XYLB: variants seen among roughly 807,000 people sequenced by gnomAD.
XYLB encodes xylulokinase, also known as xylulose kinase.
XYLB carries 62 observed loss-of-function variants against 78.7 expected under a neutral mutation model. The ratio of observed to expected loss-of-function variants is 0.79; its 90% CI spans 0.64 to 0.97. The LOEUF is 0.97. Among genes scored for constraint, XYLB ranks in the 50% least tolerant of loss-of-function variants. The pLI, the probability that XYLB is intolerant of heterozygous loss-of-function variation, is 0.00. For synonymous variants in XYLB, 245 were observed against 247.4 expected, an observed-to-expected ratio of 0.99 and a Z score of 0.09; for missense variants, 687 against 676.8, an observed-to-expected ratio of 1.02 and a Z score of -0.17.
rs751716638 is a variant in XYLB, at chr3:38,400,988, G to A, written c.1533+3G>A. 2.5e-6 allele frequency: 4 copies of A among 1,613,872 alleles called. No homozygotes were observed. Among genetic ancestry groups the A allele is most frequent in the Non-Finnish European group, 3.4e-6 (4 of 1,179,836 alleles). Reference sequence around the variant, plus strand: ...CCCCAAGCCCGGGAGCTTCTCAGGTGAGAGACCATCGGAATTTGTTTGTAG... The same window carrying A: ...CCCCAAGCCCGGGAGCTTCTCAGGTAAGAGACCATCGGAATTTGTTTGTAG... On this transcript the variant is annotated splice_donor_region_variant and intron_variant, in intron 18 of 18. Transcript: ENST00000207870.
the XYLB span, among the ~76,000 whole-genome samples, chr3:38,438,356 T>C: frequency 6.6e-6 from 1 of 151,960 alleles, no homozygotes; most frequent in African/African-American, 2.4e-5. Flanking sequence ...TGAAAGAAAT[T>C]GAAGAAGACA....
the XYLB span, among the ~76,000 whole-genome samples, chr3:38,433,428 G>A: frequency 6.6e-6 from 1 of 152,208 alleles, no homozygotes; most frequent in Non-Finnish European, 1.5e-5. Flanking sequence ...TCTGCAGCAG[G>A]CTTGAATTTC....
intron 15 of XYLB, among the ~76,000 whole-genome samples, chr3:38,393,268 G>A (rs575015150): frequency 2.0e-5 from 3 of 151,882 alleles, no homozygotes; most frequent in Admixed American, 6.6e-5. Context: ...TCAGCATCCC[G>A]AGTAGCTAGG....
At chr3:38,360,496 G>A in intron 3 of XYLB, 88 bp downstream of exon 3, 1 of 1,204,802 alleles carries the variant, frequency 8.3e-7, no homozygotes, top group Non-Finnish European at 1.2e-6. Flanking sequence ...AAAGGTGGCA[G>A]CCAATGAGAG....
the XYLB span, among the ~76,000 whole-genome samples, chr3:38,432,678 G>A: frequency 3.3e-5 from 5 of 152,216 alleles, no homozygotes; most frequent in Non-Finnish European, 5.9e-5. Context: ...ATGCAAGTCC[G>A]AAATCCAACA....
downstream of XYLB, among the ~76,000 whole-genome samples, chr3:38,417,332 A>G (rs1405103042): frequency 6.6e-6 from 1 of 152,046 alleles, no homozygotes; most frequent in Admixed American, 6.5e-5. Context: ...TGACTCTTCT[A>G]GGAATCAAGA....
chr3:38,434,100 A>C, the XYLB span, among the ~76,000 whole-genome samples: 1 of 152,156 alleles, frequency 6.6e-6, no homozygotes, highest in African/African-American at 2.4e-5. Flanking sequence ...AAAACATCAG[A>C]TCTTGTGAGA....
At chr3:38,368,972 T>G (rs1024089795) in intron 8 of XYLB, among the ~76,000 whole-genome samples, 1 of 152,104 alleles carries the variant, frequency 6.6e-6, no homozygotes, top group Non-Finnish European at 1.5e-5. Flanking sequence ...AAATTGCAGT[T>G]GATGCCAGTG....
At chr3:38,449,266 G>T in the XYLB span, among the ~76,000 whole-genome samples, 1 of 152,156 alleles carries the variant, frequency 6.6e-6, no homozygotes, top group Non-Finnish European at 1.5e-5. Context: ...GGGACTACAG[G>T]TATGTGCCAC....
intron 18 of XYLB, among the ~76,000 whole-genome samples, chr3:38,406,580 A>G (rs1489698553): frequency 1.3e-5 from 2 of 152,158 alleles, no homozygotes; most frequent in African/African-American, 4.8e-5. Context: ...TGATCAAACT[A>G]CTCTGAGCTA....
intron 4 of XYLB, 54 bp downstream of exon 4, chr3:38,363,071 G>T (rs1575468394): frequency 7.2e-7 from 1 of 1,382,456 alleles, no homozygotes. Context: ...CCTGGGCAAT[G>T]GTGTGGGTGT....
chr3:38,441,731 C>T, the XYLB span, among the ~76,000 whole-genome samples: 3 of 152,154 alleles, frequency 2.0e-5, no homozygotes, highest in Non-Finnish European at 2.9e-5. Flanking sequence ...TTTTGATAGC[C>T]TCTGATACTA....
chr3:38,375,610 C>A (rs1706811022), intron 12 of XYLB, among the ~76,000 whole-genome samples: 1 of 152,146 alleles, frequency 6.6e-6, no homozygotes, highest in South Asian at 2.1e-4. Flanking sequence ...GTTACTGTGA[C>A]CCGTCTGGCA....
At chr3:38,451,274 T>G in the XYLB span, 1 of 152,168 alleles carries the variant, frequency 6.6e-6, no homozygotes, top group African/African-American at 2.4e-5. Context: ...CTTTGATACT[T>G]TTTGTGAGAG....
chr3:38,376,971 T>G lies in XYLB; in HGVS notation c.1174T>G (p.Phe392Val). The G allele has an allele frequency of 1.2e-6, 2 of 1,614,098 alleles. No individual in the cohort carries two copies. Among genetic ancestry groups the G allele is most frequent in the African/African-American group, 1.3e-5 (1 of 75,032 alleles). The change falls in exon 14 of 19, where the codon TTT becomes GTT. Residue 392 changes from phenylalanine (F) to valine (V), a missense_variant. Physicochemically the swap from Phe to Val is conservative, Grantham distance 50. Coordinates refer to ENST00000207870, the MANE Select transcript of XYLB (RefSeq NM_005108.4). ...CCCTGAAATTATTGGACGTCATAGG[T>G]TTAACACAGAAAACCACAAGGTACA... ...ITPEIIGRHRFNTENHKVAAF... is the reference protein window; with the variant it reads ...ITPEIIGRHRVNTENHKVAAF...
intron 15 of XYLB, among the ~76,000 whole-genome samples, chr3:38,391,331 C>A (rs1427632916): frequency 1.3e-5 from 2 of 152,168 alleles, no homozygotes; most frequent in Non-Finnish European, 2.9e-5. Context: ...CTGCAGAGAT[C>A]ATTTCTATCC....
Position 38,393,070 on chromosome 3 carries a change from A to G in XYLB, c.1292-2435A>G, listed in dbSNP as rs56692937. On this transcript the variant is annotated intron_variant, in intron 15 of 18. Coordinates refer to ENST00000207870, the MANE Select transcript of XYLB (RefSeq NM_005108.4). Reference sequence around the variant, plus strand: ...CACTATTTACTAAGTGGTCTGTTTTACCCCATTACTTGTAGTGCCCCCTTT... The same window carrying G: ...CACTATTTACTAAGTGGTCTGTTTTGCCCCATTACTTGTAGTGCCCCCTTT... 4.9e-3 allele frequency among the ~76,000 whole-genome samples: 738 copies of G among 152,138 alleles called. 6 individuals are homozygous for G. The highest frequency in any genetic ancestry group is 0.017 in the African/African-American group (698 of 41,482).
chr3:38,403,890 G>A (rs1708214324), intron 18 of XYLB, among the ~76,000 whole-genome samples: 1 of 152,038 alleles, frequency 6.6e-6, no homozygotes, highest in African/African-American at 2.4e-5. Flanking sequence ...GGATCCAAAT[G>A]TAACCTCAAA....
chr3:38,410,700 C>G (rs1361651067), intron 18 of XYLB, among the ~76,000 whole-genome samples: 2 of 152,006 alleles, frequency 1.3e-5, no homozygotes, highest in South Asian at 2.1e-4. Context: ...AAAAAACAAC[C>G]CCATCAAAAA....
Sources: gnomAD v4.1 joint callset for allele counts (sites outside exome capture counted in the v4.1 genomes callset) on GRCh38, gnomAD v4.1.1 for gene constraint, MANE v1.5 for transcripts, NCBI Gene and HGNC (gene_info 2026-07-23, HGNC 2026-07-21) for gene names.